Variants in CFAP91 observed in about 807,000 individuals in gnomAD.
CFAP91 encodes cilia- and flagella-associated protein 91.
A neutral mutation model predicts 95.9 loss-of-function variants in CFAP91; 85 were observed. The observed-to-expected ratio is 0.89, with a 90% confidence interval of 0.74 to 1.06. The LOEUF is 1.06. Ranked by LOEUF, CFAP91 falls within the 50% of genes least tolerant of loss-of-function variation. The pLI, the probability that CFAP91 is intolerant of heterozygous loss-of-function variation, is 0.00. For missense variants in CFAP91, 962 were observed against 943.4 expected (o/e 1.02, Z -0.26); for synonymous variants, 335 against 327.5 (o/e 1.02, Z -0.25).
At chr3:119,748,495 A>T (rs543344254) in intron 16 of CFAP91, among the ~76,000 whole-genome samples, 8 of 152,242 alleles carry the variant, frequency 5.3e-5, no homozygotes, top group Non-Finnish European at 1.2e-4. Flanking sequence ...CATAGCTCTG[A>T]GGCTGCTGAT....
rs1414670643 is a variant in CFAP91 at position 119,765,424 on chromosome 3, C to T, written c.*374C>T. 1 of 152,144 alleles carries T rather than the reference C, an allele frequency of 6.6e-6. No homozygotes were observed. Among genetic ancestry groups the T allele is most frequent in the Non-Finnish European group, 1.5e-5 (1 of 68,032 alleles). The allele number at this position is 152,144 out of a possible 1,614,324, so 9.4% of individuals were successfully genotyped here. On this transcript the variant is annotated 3_prime_UTR_variant, in exon 18 of 18. Coordinates refer to ENST00000273390, the MANE Select transcript of CFAP91 (RefSeq NM_033364.4). The stretch of plus-strand genomic sequence containing the variant: ...AGGACATTGGCATTATCTACTAAGG[C>T]TGAAAATGTGCATATTCCATGACTC...
Position 119,730,311 on chromosome 3 carries a change from C to A in CFAP91, c.952C>A (p.Arg318=), listed in dbSNP as rs374317339. 8 of 1,613,886 alleles carry A rather than the reference C, an allele frequency of 5.0e-6. No homozygotes were observed. Among genetic ancestry groups the A allele is most frequent in the Non-Finnish European group, 6.8e-6 (8 of 1,179,990 alleles). The part of the protein sequence containing the change: ...NEVNMKHLNA[R]WSKLQEGKEA... Reference sequence around the variant, plus strand: ...AGTGAATATGAAGCACTTGAATGCCCGGTGGTCTAAACTGCAGGAGGGAAA... The same window carrying A: ...AGTGAATATGAAGCACTTGAATGCCAGGTGGTCTAAACTGCAGGAGGGAAA... Residue 318 remains arginine (R), a synonymous_variant, in exon 8 of 18, where the codon CGG becomes AGG. Coordinates refer to ENST00000273390, the MANE Select transcript of CFAP91 (RefSeq NM_033364.4).
intron 1 of CFAP91, among the ~76,000 whole-genome samples, chr3:119,703,931 C>T (rs887847264): frequency 6.7e-6 from 1 of 148,844 alleles, no homozygotes; most frequent in Non-Finnish European, 1.5e-5. Context: ...CTGTAACCAG[C>T]TATAAGCATG....
chr3:119,733,904 C>G (rs941718488), intron 10 of CFAP91, among the ~76,000 whole-genome samples: 2 of 152,182 alleles, frequency 1.3e-5, no homozygotes, highest in Non-Finnish European at 2.9e-5. Context: ...CAACACCTTT[C>G]TCATGTAGTT....
In CFAP91 at chr3:119,737,330, TAAAA is replaced by T. The variant is rs748946717; in HGVS notation, c.1345-32_1345-29del. Reference sequence around the variant, plus strand: ...CTCTTAAATTTATGCAAATTTTTGTTAAAAAAAGAGATTATATTAATTGGCATTA... The same window carrying T: ...CTCTTAAATTTATGCAAATTTTTGTTAAAGAGATTATATTAATTGGCATTA... On this transcript the variant is annotated intron_variant, in intron 10 of 17. Transcript: ENST00000273390. 24 of 1,333,908 alleles carry T rather than the reference TAAAA, an allele frequency of 1.8e-5. 1 individual carries two copies. The Admixed American group carries it at 4.9e-4, about 27-fold the overall frequency. The allele number at this position is 1,333,908 out of a possible 1,614,324, so 82.6% of individuals were successfully genotyped here. A position where few individuals can be genotyped will look rare whatever the true frequency, so the allele number is the denominator to read the frequency against.
intron 9 of CFAP91, 146 bp downstream of exon 9, chr3:119,732,622 A>C (rs1466220354): frequency 6.6e-6 from 4 of 606,348 alleles, no homozygotes; most frequent in Non-Finnish European, 1.1e-5. Flanking sequence ...AATAAAAACT[A>C]CTAAGACCCA....
chr3:119,723,890 TG>T (rs1423237157), intron 6 of CFAP91, among the ~76,000 whole-genome samples: 1 of 152,142 alleles, frequency 6.6e-6, no homozygotes, highest in Non-Finnish European at 1.5e-5. Context: ...CCAGGCATGA[TG>T]GCTTATGCCT....
In CFAP91 at chr3:119,733,343, AC is replaced by A; in HGVS notation, c.1202-20del. ...TAAACGTAAGCACTGGATACTAAAA[AC>A]ATGTGCTTCCTTCCCATAGGATTAG... On this transcript the variant is annotated intron_variant, in intron 9 of 17. Transcript: ENST00000273390. The A allele has an allele frequency of 1.2e-6, 2 of 1,612,094 alleles. No individual in the cohort carries two copies. Among genetic ancestry groups the A allele is most frequent in the Non-Finnish European group, 1.7e-6 (2 of 1,179,258 alleles).
chr3:119,761,288 A>G (rs1370211233), intron 17 of CFAP91, among the ~76,000 whole-genome samples: 1 of 151,870 alleles, frequency 6.6e-6, no homozygotes, highest in Admixed American at 6.6e-5. Flanking sequence ...GACACATGCA[A>G]CCTATCAAGA....
intron 17 of CFAP91, among the ~76,000 whole-genome samples, chr3:119,763,697 C>T (rs1240665953): frequency 6.6e-6 from 1 of 151,908 alleles, no homozygotes; most frequent in Non-Finnish European, 1.5e-5. Flanking sequence ...GTGAAATAAG[C>T]CAGGCACAGA....
chr3:119,747,202 AG>A lies in CFAP91; in HGVS notation c.1993del (p.Ala665GlnfsTer3). On this transcript the variant is annotated frameshift_variant, in exon 15 of 18. Coordinates refer to ENST00000273390, the MANE Select transcript of CFAP91 (RefSeq NM_033364.4). LOFTEE classifies it high-confidence loss of function. ...TEANTAEEQA[R>X]AEIEKMAEKI... is the part of the protein sequence containing the mutation. ...AGCGAATACTGCAGAAGAACAAGCC[AG>A]GGCAGAAATAGAGAAGATGGCTGAG... 2.5e-6 allele frequency: 4 copies of A among 1,613,984 alleles called. No homozygotes were observed. The highest frequency in any genetic ancestry group is 3.4e-6 in the Non-Finnish European group (4 of 1,179,880).
At chr3:119,733,576 A>G in intron 10 of CFAP91, 70 bp downstream of exon 10, 1 of 1,515,470 alleles carries the variant, frequency 6.6e-7, no homozygotes, top group Non-Finnish European at 9.0e-7. Context: ...CACTCCAAAA[A>G]TTGCAGCAAT....
At chr3:119,724,875 G>A (rs978966400) in intron 6 of CFAP91, among the ~76,000 whole-genome samples, 11 of 152,068 alleles carry the variant, frequency 7.2e-5, no homozygotes, top group Admixed American at 5.9e-4. Context: ...CTCCCAAGTA[G>A]CTGGGACTAC....
At chr3:119,753,722 CT>C (rs2054370052) in intron 17 of CFAP91, among the ~76,000 whole-genome samples, 1 of 152,028 alleles carries the variant, frequency 6.6e-6, no homozygotes, top group Non-Finnish European at 1.5e-5. Context: ...TGAGTAAGTT[CT>C]TTAGTGGTGA....
chr3:119,724,531 T>C (rs1275879424), intron 6 of CFAP91, among the ~76,000 whole-genome samples: 1 of 152,144 alleles, frequency 6.6e-6, no homozygotes, highest in Non-Finnish European at 1.5e-5. Flanking sequence ...TGTAGATACA[T>C]ATATATACAT....
chr3:119,747,320 A>G, intron 15 of CFAP91, 57 bp downstream of exon 15: 1 of 1,542,342 alleles, frequency 6.5e-7, no homozygotes, highest in Non-Finnish European at 8.7e-7. Context: ...GTACTCATAT[A>G]TATTTTTTCA....
intron 7 of CFAP91, among the ~76,000 whole-genome samples, chr3:119,727,574 A>T (rs997540638): frequency 6.6e-6 from 1 of 152,142 alleles, no homozygotes; most frequent in Non-Finnish European, 1.5e-5. Context: ...ATAGGGATGA[A>T]TAGGAAACTG....
chr3:119,722,623 G>A (rs1410801125), intron 6 of CFAP91, among the ~76,000 whole-genome samples: 1 of 151,862 alleles, frequency 6.6e-6, no homozygotes, highest in East Asian at 1.9e-4. Flanking sequence ...CAAGTAGCTG[G>A]GGCCACAAGT....
At chr3:119,706,014 T>C (rs1201838823) in intron 1 of CFAP91, 1 of 152,240 alleles carries the variant, frequency 6.6e-6, no homozygotes, top group East Asian at 1.9e-4. Flanking sequence ...TTAATTTCTA[T>C]GGAGAAATAT....
Sources: gnomAD v4.1 joint callset for allele counts (sites outside exome capture counted in the v4.1 genomes callset) on GRCh38, gnomAD v4.1.1 for gene constraint, MANE v1.5 for transcripts, NCBI Gene and HGNC (gene_info 2026-07-23, HGNC 2026-07-21) for gene names.